The following GPR55 variants were observed in gnomAD, a reference collection of about 807,000 sequenced individuals.
The protein encoded by GPR55 is G-protein coupled receptor 55.
A neutral mutation model predicts 7.9 loss-of-function variants in GPR55; 6 were observed. The observed-to-expected ratio is 0.76, with a 90% CI of 0.41 to 1.49. The LOEUF (loss-of-function observed/expected upper bound fraction) is 1.49. Among genes scored for constraint, GPR55 ranks in the 40% most tolerant of loss-of-function variants. The pLI is 0.01. For missense variants in GPR55, 376 were observed against 406.0 expected, an observed-to-expected ratio of 0.93 and a Z score of 0.63; for synonymous variants, 183 against 166.8, an observed-to-expected ratio of 1.10 and a Z score of -0.75.
intron 1 of GPR55, among the ~76,000 whole-genome samples, chr2:230,914,332 C>T (rs1275431543): frequency 6.6e-6 from 1 of 152,096 alleles, no homozygotes; most frequent in Non-Finnish European, 1.5e-5. Context: ...ATTTGAATTA[C>T]CGACAGACTT....
chr2:230,918,410 A>C (rs1367591543), intron 1 of GPR55, among the ~76,000 whole-genome samples: 1 of 152,248 alleles, frequency 6.6e-6, no homozygotes, highest in Non-Finnish European at 1.5e-5. Flanking sequence ...TGACACAAGA[A>C]GAAATAGAAT....
At chr2:230,926,481 C>G (rs1690944512), upstream of GPR55, among the ~76,000 whole-genome samples, 1 of 152,022 alleles carries the variant, frequency 6.6e-6, no homozygotes, top group African/African-American at 2.4e-5. Context: ...AGGCCCGCAC[C>G]CTGGGTGCGG....
chr2:230,952,516 G>A lies in GPR55; in HGVS notation c.-135+8259C>T, dbSNP rs1052414441. Among the ~76,000 whole-genome samples, 6 of 152,176 alleles carry A rather than the reference G, an allele frequency of 3.9e-5. No homozygotes were observed. In the East Asian group the frequency reaches 1.2e-3, roughly 29 times the overall value. Reference sequence around the variant, plus strand: ...CCCAAGTTTTCTGCACATTCCCAGGGCAGGGCTGCTGACACCTCTACAGCC... The same window carrying A: ...CCCAAGTTTTCTGCACATTCCCAGGACAGGGCTGCTGACACCTCTACAGCC... On this transcript the variant is annotated intron_variant, in intron 1 of 1. Coordinates refer to the GPR55 transcript ENST00000392039.
At chr2:230,945,861 A>T (rs778442216) in intron 1 of GPR55, among the ~76,000 whole-genome samples, 1 of 152,172 alleles carries the variant, frequency 6.6e-6, no homozygotes, top group Admixed American at 6.5e-5. Flanking sequence ...CTGAGCCACC[A>T]CGCCCGGTCT....
At chr2:230,957,378 G>A (rs1691507598) in intron 1 of GPR55, among the ~76,000 whole-genome samples, 2 of 152,334 alleles carry the variant, frequency 1.3e-5, no homozygotes, top group East Asian at 1.9e-4. Context: ...ACTGACGGCC[G>A]GTGGTGTCTC....
At chr2:230,913,174 T>C (rs1690631326) in intron 1 of GPR55, among the ~76,000 whole-genome samples, 1 of 152,148 alleles carries the variant, frequency 6.6e-6, no homozygotes, top group Admixed American at 6.5e-5. Flanking sequence ...AACATTTAGG[T>C]TTCCAGTATT....
At chr2:230,912,171 A>G (rs578003848) in intron 1 of GPR55, among the ~76,000 whole-genome samples, 9 of 152,326 alleles carry the variant, frequency 5.9e-5, no homozygotes, top group African/African-American at 2.2e-4. Context: ...CACATTCACT[A>G]GAGCACAGGG....
rs562093240 is a variant in GPR55 at position 230,940,370 on chromosome 2, G to C, written c.-135+20405C>G. Among the ~76,000 whole-genome samples the C allele has an allele frequency of 5.5e-4, 84 of 152,220 alleles. 1 individual carries two copies. Among genetic ancestry groups the C allele is most frequent in the Non-Finnish European group, 6.5e-4 (44 of 68,012 alleles). On this transcript the variant is annotated intron_variant, in intron 1 of 1. Coordinates refer to the GPR55 transcript ENST00000392039. ...ATCTGCAGATTCAAGGCCATCAGTG[G>C]GAGGGGTCCAGGCTCCCCAGGCCCA... is the stretch of plus-strand genomic sequence containing the variant.
At chr2:230,917,482 C>G (rs1425123505) in intron 1 of GPR55, among the ~76,000 whole-genome samples, 1 of 152,134 alleles carries the variant, frequency 6.6e-6, no homozygotes, top group East Asian at 1.9e-4. Flanking sequence ...TGGCTATACT[C>G]TCTGACCTCA....
intron 1 of GPR55, among the ~76,000 whole-genome samples, chr2:230,932,888 C>T (rs1009175485): frequency 6.6e-6 from 1 of 151,806 alleles, no homozygotes; most frequent in African/African-American, 2.4e-5. Flanking sequence ...CTCTCTCTTG[C>T]ATGCGCTCGC....
chr2:230,925,661 G>C (rs1022875386), upstream of GPR55, among the ~76,000 whole-genome samples: 1 of 152,118 alleles, frequency 6.6e-6, no homozygotes, highest in Non-Finnish European at 1.5e-5. Context: ...TGGGGGTTTA[G>C]GATTTGAAAC....
intron 1 of GPR55, among the ~76,000 whole-genome samples, chr2:230,932,153 C>T (rs959995502): frequency 6.6e-6 from 1 of 152,216 alleles, no homozygotes; most frequent in South Asian, 2.1e-4. Context: ...CAAAGGTACT[C>T]TGCTGCTTAG....
At chr2:230,951,652 C>G (rs1691404877) in intron 1 of GPR55, among the ~76,000 whole-genome samples, 2 of 152,130 alleles carry the variant, frequency 1.3e-5, no homozygotes, top group Non-Finnish European at 2.9e-5. Context: ...CCATTCACAA[C>G]TTAGAGTTGG....
At chr2:230,931,473 G>A (rs1192838179) in intron 1 of GPR55, among the ~76,000 whole-genome samples, 2 of 152,150 alleles carry the variant, frequency 1.3e-5, no homozygotes, top group African/African-American at 4.8e-5. Flanking sequence ...ACCTAGAGAG[G>A]CCGATTTCTA....
intron 1 of GPR55, among the ~76,000 whole-genome samples, chr2:230,950,085 CCCAAGT>C (rs1465684287): frequency 6.6e-6 from 1 of 152,256 alleles, no homozygotes; most frequent in Non-Finnish European, 1.5e-5. Context: ...TCTCGGCCTC[CCCAAGT>C]GCTGGGATTA....
At chr2:230,914,539 C>T (rs768111413) in intron 1 of GPR55, among the ~76,000 whole-genome samples, 39 of 138,078 alleles carry the variant, frequency 2.8e-4, no homozygotes, top group Non-Finnish European at 4.5e-4. Context: ...TCAGAAGCCT[C>T]ACTGTAGTAA....
chr2:230,911,313 A>G lies in GPR55; in HGVS notation c.-134-217T>C, dbSNP rs111311729. ...AGTAACAGCACATACCCAGACCCAA[A>G]CAGGCTGAAGCAAAGAGACAGTTTC... On this transcript the variant is annotated intron_variant, in intron 1 of 1. Coordinates refer to ENST00000650999, the MANE Select transcript of GPR55 (RefSeq NM_005683.4). Among the ~76,000 whole-genome samples the G allele has an allele frequency of 5.9e-3, 903 of 152,300 alleles. 9 individuals carry two copies. Among genetic ancestry groups the G allele is most frequent in the African/African-American group, 0.02 (830 of 41,550 alleles).
intron 1 of GPR55, among the ~76,000 whole-genome samples, chr2:230,956,913 A>C (rs1368881743): frequency 6.9e-6 from 1 of 145,782 alleles, no homozygotes; most frequent in African/African-American, 2.5e-5. Flanking sequence ...GATGTAATTC[A>C]GATTAACCTT....
chr2:230,912,405 AC>A (rs1690613827), intron 1 of GPR55, among the ~76,000 whole-genome samples: 4 of 152,048 alleles, frequency 2.6e-5, no homozygotes, highest in Non-Finnish European at 5.9e-5. Context: ...CATACTAGTG[AC>A]CACTGCAGCT....
Sources: allele counts gnomAD v4.1 joint callset (sites outside exome capture counted in the v4.1 genomes callset), GRCh38; gene constraint gnomAD v4.1.1; transcripts MANE v1.5; gene names NCBI Gene and HGNC (gene_info 2026-07-23, HGNC 2026-07-21).